Variants in TTLL5 observed in about 807,000 individuals in gnomAD.
TTLL5 encodes the protein tubulin tyrosine ligase like 5, also known as tubulin polyglutamylase TTLL5.
Under a neutral mutation model 168.4 loss-of-function variants are expected in TTLL5, and 132 were observed. The observed-to-expected ratio is 0.78, with a 90% CI of 0.68 to 0.91. TTLL5 has a LOEUF of 0.91. Among genes scored for constraint, TTLL5 ranks in the 40% least tolerant of loss-of-function variants. The pLI is 0.00. For missense variants in TTLL5, 1,545 were observed against 1,581.5 expected, an observed-to-expected ratio of 0.98 and a Z score of 0.39; for synonymous variants, 546 against 558.6, an observed-to-expected ratio of 0.98 and a Z score of 0.32.
intron 30 of TTLL5, among the ~76,000 whole-genome samples, chr14:75,889,458 C>T (rs187492182): frequency 2.6e-5 from 4 of 152,234 alleles, no homozygotes; most frequent in Non-Finnish European, 5.9e-5. Context: ...TAAACTGGAA[C>T]GTTTCAATTA....
At chr14:75,731,275 G>A (rs1239663162) in intron 12 of TTLL5, among the ~76,000 whole-genome samples, 1 of 151,862 alleles carries the variant, frequency 6.6e-6, no homozygotes, top group East Asian at 1.9e-4. Context: ...TTTACTTCTA[G>A]AGAAAAAATA....
At chr14:75,792,086 T>G (rs573415440) in intron 26 of TTLL5, among the ~76,000 whole-genome samples, 86 of 152,044 alleles carry the variant, frequency 5.7e-4, no homozygotes, top group Non-Finnish European at 1.0e-3. Flanking sequence ...ATCTTGATTT[T>G]ATATTAAATA....
intron 29 of TTLL5, among the ~76,000 whole-genome samples, chr14:75,880,440 T>C (rs2031745852): frequency 1.3e-5 from 2 of 152,208 alleles, no homozygotes; most frequent in Admixed American, 6.5e-5. Context: ...AGCTCTTAAC[T>C]AACAACATTT....
Position 75,889,497 on chromosome 14 carries a change from C to T in TTLL5, c.3740+6595C>T, listed in dbSNP as rs138290637. ...CCTCAAAAAGTAGAAATTATACATG[C>T]CTCATTCTCAGACCACTTTACAATA... is the stretch of plus-strand genomic sequence containing the variant. On this transcript the variant is annotated intron_variant, in intron 30 of 31. Transcript: ENST00000298832. Among the ~76,000 whole-genome samples, 305 of 152,214 alleles carry T rather than the reference C, an allele frequency of 2.0e-3. No homozygotes were observed. The Middle Eastern group carries it at 0.044, about 22-fold the overall frequency.
chr14:75,698,929 A>C (rs1594890044), intron 6 of TTLL5, among the ~76,000 whole-genome samples: 2 of 151,858 alleles, frequency 1.3e-5, no homozygotes, highest in African/African-American at 4.8e-5. Flanking sequence ...AGAAAAGGAA[A>C]GAGGCGAAAT....
chr14:75,943,038 A>G (rs1247302428), intron 31 of TTLL5, among the ~76,000 whole-genome samples: 1 of 152,202 alleles, frequency 6.6e-6, no homozygotes, highest in East Asian at 1.9e-4. Context: ...CATTAAAGCA[A>G]AAATAAAGAT....
At chr14:75,716,809 A>G (rs1327562842) in intron 9 of TTLL5, among the ~76,000 whole-genome samples, 1 of 152,194 alleles carries the variant, frequency 6.6e-6, no homozygotes, top group Non-Finnish European at 1.5e-5. Context: ...TCAGAGGCAC[A>G]TGTATTTTAT....
At chr14:75,709,400 C>T (rs975653297) in intron 9 of TTLL5, 2 of 542,838 alleles carry the variant, frequency 3.7e-6, no homozygotes, top group East Asian at 5.9e-5. Context: ...CCGTTCGCCT[C>T]TAGGTGGCAG....
At chr14:75,870,463 A>G (rs1197164229) in intron 29 of TTLL5, among the ~76,000 whole-genome samples, 1 of 152,044 alleles carries the variant, frequency 6.6e-6, no homozygotes, top group Non-Finnish European at 1.5e-5. Context: ...GGGCGTAACA[A>G]TCTTGGAAAT....
intron 17 of TTLL5, among the ~76,000 whole-genome samples, chr14:75,747,007 A>T (rs1889656351): frequency 6.6e-6 from 1 of 151,948 alleles, no homozygotes; most frequent in Non-Finnish European, 1.5e-5. Flanking sequence ...TTATTTCTTC[A>T]AATATTTTTT....
intron 31 of TTLL5, among the ~76,000 whole-genome samples, chr14:75,950,182 T>G (rs1297981457): frequency 2.6e-5 from 4 of 152,196 alleles, no homozygotes; most frequent in Non-Finnish European, 5.9e-5. Flanking sequence ...AAGGGATAGA[T>G]TTCAATAATA....
intron 29 of TTLL5, among the ~76,000 whole-genome samples, chr14:75,868,696 C>T (rs527573609): frequency 6.6e-6 from 1 of 152,264 alleles, no homozygotes; most frequent in East Asian, 1.9e-4. Flanking sequence ...CCCATATAAA[C>T]CGAACCATGT....
At chr14:75,819,243 A>G (rs1894692364) in intron 27 of TTLL5, among the ~76,000 whole-genome samples, 1 of 152,224 alleles carries the variant, frequency 6.6e-6, no homozygotes, top group African/African-American at 2.4e-5. Context: ...GTATCAAAGT[A>G]TACAAATATT....
chr14:75,943,927 C>CT (rs1277586193), intron 31 of TTLL5, among the ~76,000 whole-genome samples: 2 of 152,128 alleles, frequency 1.3e-5, no homozygotes, highest in African/African-American at 4.8e-5. Flanking sequence ...ATGGATGGGC[C>CT]TACCTGCAGA....
At chr14:75,720,515 A>G (rs1704293156) in intron 11 of TTLL5, 81 bp from the exon 12 acceptor site, 2 of 1,047,676 alleles carry the variant, frequency 1.9e-6, no homozygotes, top group Non-Finnish European at 2.9e-6. Flanking sequence ...ATGCTTTTAT[A>G]GTTATATTGT....
At chr14:75,906,569 C>T (rs1251259386) in intron 31 of TTLL5, 1 of 985,846 alleles carries the variant, frequency 1.0e-6, no homozygotes, top group Non-Finnish European at 1.2e-6. Context: ...TTTGGATACT[C>T]CCCAAGTTAT....
At chr14:75,863,622 C>G (rs773082778) in intron 28 of TTLL5, 45 bp from the exon 29 acceptor site, 39 of 1,529,790 alleles carry the variant, frequency 2.5e-5, no homozygotes, top group Non-Finnish European at 3.1e-5. Context: ...CTAGATTGTT[C>G]ATACAGCCAC....
chr14:75,701,647 T>A (rs4899572), intron 7 of TTLL5, among the ~76,000 whole-genome samples: 1 of 152,142 alleles, frequency 6.6e-6, no homozygotes, highest in African/African-American at 2.4e-5. Context: ...TGTGTACTGG[T>A]GATAAGGTAG....
At chr14:75,864,564 T>C (rs1336103899) in intron 29 of TTLL5, among the ~76,000 whole-genome samples, 1 of 152,130 alleles carries the variant, frequency 6.6e-6, no homozygotes. Flanking sequence ...GCTATATAAG[T>C]ATATAGCACT....
Sources: gnomAD v4.1 joint callset for allele counts (sites outside exome capture counted in the v4.1 genomes callset) on GRCh38, gnomAD v4.1.1 for gene constraint, MANE v1.5 for transcripts, NCBI Gene and HGNC (gene_info 2026-07-23, HGNC 2026-07-21) for gene names.